Variants in PARD3 observed in about 807,000 individuals in gnomAD.
PARD3 encodes the protein partitioning defective 3 homolog.
A neutral mutation model predicts 155.4 loss-of-function variants in PARD3; 75 were observed. The ratio of observed to expected loss-of-function variants is 0.48; its 90% confidence interval spans 0.40 to 0.58. PARD3 has a LOEUF of 0.58. Among genes scored for constraint, PARD3 ranks in the 20% least tolerant of loss-of-function variants. PARD3 has a pLI of 0.00. For missense variants in PARD3, 1,642 were observed against 1,721.7 expected, an observed-to-expected ratio of 0.95 and a Z score of 0.82; for synonymous variants, 576 against 610.5, an observed-to-expected ratio of 0.94 and a Z score of 0.83.
At chr10:34,615,681 A>T (rs938931917) in intron 2 of PARD3, among the ~76,000 whole-genome samples, 5 of 152,256 alleles carry the variant, frequency 3.3e-5, no homozygotes, top group Non-Finnish European at 7.3e-5. Flanking sequence ...AATGGGAGAA[A>T]ATATGTGCAA....
chr10:34,467,817 AGT>A (rs2078106430), intron 4 of PARD3, among the ~76,000 whole-genome samples: 1 of 152,238 alleles, frequency 6.6e-6, no homozygotes, highest in African/African-American at 2.4e-5. Flanking sequence ...GTTAATTGGC[AGT>A]GAGAGTCTCA....
intron 1 of PARD3, among the ~76,000 whole-genome samples, chr10:34,775,221 C>T (rs1319358078): frequency 6.6e-6 from 1 of 152,124 alleles, no homozygotes; most frequent in Non-Finnish European, 1.5e-5. Context: ...GATTGACCAC[C>T]AAAAGGAACA....
chr10:34,342,668 C>T (rs989811701), intron 15 of PARD3, among the ~76,000 whole-genome samples: 2 of 152,078 alleles, frequency 1.3e-5, no homozygotes, highest in African/African-American at 4.8e-5. Flanking sequence ...GTTGGGATGG[C>T]ATACACAAGC....
At chr10:34,185,113 G>T (rs192865136) in intron 22 of PARD3, among the ~76,000 whole-genome samples, 1 of 152,146 alleles carries the variant, frequency 6.6e-6, no homozygotes, top group Admixed American at 6.5e-5. Flanking sequence ...CTAACACCAC[G>T]GCTATCACTT....
At chr10:34,391,726 C>CA (rs2132090952) in intron 7 of PARD3, among the ~76,000 whole-genome samples, 1 of 152,308 alleles carries the variant, frequency 6.6e-6, no homozygotes, top group East Asian at 1.9e-4. Flanking sequence ...ATACAATCTG[C>CA]ATATAGATTA....
intron 14 of PARD3, among the ~76,000 whole-genome samples, chr10:34,357,277 T>C (rs1838985628): frequency 1.3e-5 from 2 of 152,142 alleles, no homozygotes; most frequent in African/African-American, 2.4e-5. Flanking sequence ...AAGGAAAACA[T>C]TGAGAAGGTG....
intron 22 of PARD3, among the ~76,000 whole-genome samples, chr10:34,158,860 C>T (rs913153334): frequency 1.3e-5 from 2 of 152,170 alleles, no homozygotes; most frequent in Non-Finnish European, 2.9e-5. Context: ...CCATTGTGGA[C>T]AGACATAGCC....
chr10:34,528,614 G>A (rs2082631922), intron 2 of PARD3, among the ~76,000 whole-genome samples: 1 of 152,152 alleles, frequency 6.6e-6, no homozygotes. Context: ...CCTGTAAGTA[G>A]CAAGTTTTTA....
At chr10:34,652,303 T>G (rs1006514532) in intron 2 of PARD3, among the ~76,000 whole-genome samples, 21 of 152,210 alleles carry the variant, frequency 1.4e-4, no homozygotes, top group African/African-American at 5.1e-4. Flanking sequence ...AAGAAGTATG[T>G]CAAGGAGCAA....
chr10:34,769,489 C>G (rs1432418845), intron 1 of PARD3, among the ~76,000 whole-genome samples: 2 of 151,562 alleles, frequency 1.3e-5, no homozygotes, highest in Non-Finnish European at 2.9e-5. Context: ...TTTTCTTTGT[C>G]TAAAACCATA....
At chr10:34,728,324 A>G (rs761008671) in intron 1 of PARD3, among the ~76,000 whole-genome samples, 4 of 152,218 alleles carry the variant, frequency 2.6e-5, no homozygotes, top group South Asian at 2.1e-4. Flanking sequence ...CAAATAAAGT[A>G]TCTAAAGGAT....
At chr10:34,193,134 A>G (rs1262317450) in intron 22 of PARD3, among the ~76,000 whole-genome samples, 2 of 152,230 alleles carry the variant, frequency 1.3e-5, no homozygotes, top group African/African-American at 4.8e-5. Context: ...TTGAATTTAA[A>G]CATTTCTTTA....
At chr10:34,619,197 T>C (rs947026977) in intron 2 of PARD3, among the ~76,000 whole-genome samples, 5 of 151,986 alleles carry the variant, frequency 3.3e-5, no homozygotes, top group Non-Finnish European at 5.9e-5. Context: ...ATTACAGGCA[T>C]GCACCACCAC....
intron 5 of PARD3, among the ~76,000 whole-genome samples, chr10:34,437,894 T>C (rs2076268188): frequency 6.6e-6 from 1 of 152,248 alleles, no homozygotes; most frequent in Non-Finnish European, 1.5e-5. Flanking sequence ...TTAAACATCT[T>C]AAATATTTAA....
intron 22 of PARD3, among the ~76,000 whole-genome samples, chr10:34,196,084 C>T (rs1290818342): frequency 6.6e-6 from 1 of 152,212 alleles, no homozygotes; most frequent in Non-Finnish European, 1.5e-5. Context: ...ATTCATACTT[C>T]TGCCACTTAA....
chr10:34,692,898 A>G (rs2133445041), intron 2 of PARD3, among the ~76,000 whole-genome samples: 1 of 152,300 alleles, frequency 6.6e-6, no homozygotes, highest in East Asian at 1.9e-4. Flanking sequence ...AAAGAACAAG[A>G]ACAGACGCTT....
At chr10:34,647,621 A>G (rs930919560) in intron 2 of PARD3, among the ~76,000 whole-genome samples, 2 of 152,180 alleles carry the variant, frequency 1.3e-5, no homozygotes, top group African/African-American at 4.8e-5. Context: ...CCTTTTCTCG[A>G]TGCAGTCAAT....
At chr10:34,496,891 AAAATAGTATAC>A (rs146258328) in intron 3 of PARD3, among the ~76,000 whole-genome samples, 78,382 of 152,112 alleles carry the variant, frequency 0.52, 23,780 homozygotes, top group African/African-American at 0.86. Flanking sequence ...TTAACGTTTA[AAAATAGTATAC>A]TATTTTTAAA....
At chr10:34,470,704 C>T in intron 3 of PARD3, among the ~76,000 whole-genome samples, 1 of 152,110 alleles carries the variant, frequency 6.6e-6, no homozygotes, top group East Asian at 1.9e-4. Flanking sequence ...GTGATCATTA[C>T]CCCAATATTT....
Sources: gnomAD v4.1 joint callset for allele counts (sites outside exome capture counted in the v4.1 genomes callset) on GRCh38, gnomAD v4.1.1 for gene constraint, MANE v1.5 for transcripts, NCBI Gene and HGNC (gene_info 2026-07-23, HGNC 2026-07-21) for gene names.